The following FNDC3B variants were observed in gnomAD, a reference collection of about 807,000 sequenced individuals.
The protein encoded by FNDC3B is fibronectin type III domain containing 3B, also known as fibronectin type III domain-containing protein 3B.
FNDC3B carries 12 observed loss-of-function variants against 151.5 expected under a neutral mutation model. That is an observed-to-expected ratio of 0.08 (90% CI 0.05 to 0.13). The LOEUF (loss-of-function observed/expected upper bound fraction) is 0.13. Among genes scored for constraint, FNDC3B ranks in the 10% least tolerant of loss-of-function variants. The pLI is 1.00. For synonymous variants in FNDC3B, 528 were observed against 549.0 expected (o/e 0.96, Z 0.54); for missense variants, 1,214 against 1,505.3 (o/e 0.81, Z 3.20).
At chr3:172,052,133 G>C (rs1716685089) in intron 1 of FNDC3B, among the ~76,000 whole-genome samples, 1 of 150,824 alleles carries the variant, frequency 6.6e-6, no homozygotes, top group Non-Finnish European at 1.5e-5. Context: ...TGCCCAGGCT[G>C]GGGTGCAGTG....
At chr3:172,310,681 TG>T (rs1731428451) in intron 10 of FNDC3B, 146 bp from the exon 11 acceptor site, 1 of 698,316 alleles carries the variant, frequency 1.4e-6, no homozygotes, top group Non-Finnish European at 2.6e-6. Flanking sequence ...TGATGATGAT[TG>T]ACCAAGGAAC....
At chr3:172,184,350 C>T (rs1724067017) in intron 3 of FNDC3B, 1 of 152,036 alleles carries the variant, frequency 6.6e-6, no homozygotes, top group African/African-American at 2.4e-5. Context: ...TAAACATATA[C>T]CAGAGGAGGT....
chr3:172,167,021 G>A (rs1723035509), intron 3 of FNDC3B, among the ~76,000 whole-genome samples: 1 of 152,184 alleles, frequency 6.6e-6, no homozygotes, highest in Non-Finnish European at 1.5e-5. Flanking sequence ...CAGTAGCACT[G>A]CAAGGTTGGA....
At chr3:172,311,683 G>A (rs28757618) in intron 11 of FNDC3B, among the ~76,000 whole-genome samples, 19,520 of 147,168 alleles carry the variant, frequency 0.13, 1,603 homozygotes, top group South Asian at 0.28. Flanking sequence ...TGGCTAACAC[G>A]ATGAAACACC....
intron 22 of FNDC3B, among the ~76,000 whole-genome samples, chr3:172,358,731 G>A (rs892474191): frequency 2.0e-5 from 3 of 152,170 alleles, no homozygotes; most frequent in African/African-American, 4.8e-5. Flanking sequence ...TGATTTTACT[G>A]TGGAGTATAA....
chr3:172,057,197 G>A (rs1052904129), intron 1 of FNDC3B, among the ~76,000 whole-genome samples: 1 of 152,106 alleles, frequency 6.6e-6, no homozygotes, highest in Non-Finnish European at 1.5e-5. Context: ...TTTTAAGAGC[G>A]ATCAGGTCTT....
chr3:172,357,714 A>C (rs1734162431), intron 22 of FNDC3B, among the ~76,000 whole-genome samples: 1 of 151,998 alleles, frequency 6.6e-6, no homozygotes, highest in Admixed American at 6.6e-5. Flanking sequence ...ACATCATTTC[A>C]TTCCATTTTA....
chr3:172,050,801 A>C (rs1338511141), intron 1 of FNDC3B, among the ~76,000 whole-genome samples: 1 of 151,954 alleles, frequency 6.6e-6, no homozygotes, highest in African/African-American at 2.4e-5. Context: ...CTGTATATAT[A>C]AATGGCTTGA....
chr3:172,105,353 T>C (rs2108528703), intron 1 of FNDC3B, among the ~76,000 whole-genome samples: 1 of 152,290 alleles, frequency 6.6e-6, no homozygotes, highest in Non-Finnish European at 1.5e-5. Context: ...TTTGTCATAA[T>C]AAATTTTTAT....
chr3:172,155,152 C>T (rs1559992139), intron 3 of FNDC3B, among the ~76,000 whole-genome samples: 1 of 152,180 alleles, frequency 6.6e-6, no homozygotes, highest in Non-Finnish European at 1.5e-5. Flanking sequence ...CAAAGATGAT[C>T]CTCAAATACC....
chr3:172,165,343 G>A (rs1238574504), intron 3 of FNDC3B, among the ~76,000 whole-genome samples: 2 of 152,126 alleles, frequency 1.3e-5, no homozygotes, highest in Non-Finnish European at 2.9e-5. Flanking sequence ...TGTAAGAAAA[G>A]CCTACCCAAA....
At chr3:172,354,441 T>C (rs1733991215) in intron 22 of FNDC3B, among the ~76,000 whole-genome samples, 1 of 151,684 alleles carries the variant, frequency 6.6e-6, no homozygotes, top group African/African-American at 2.4e-5. Flanking sequence ...AACTAAGATA[T>C]TGGTATGCCC....
intron 7 of FNDC3B, 84 bp from the exon 8 acceptor site, chr3:172,295,279 G>A: frequency 1.5e-6 from 2 of 1,303,284 alleles, no homozygotes; most frequent in South Asian, 1.4e-5. Flanking sequence ...TGGATTAACT[G>A]TGAGCCAGTT....
intron 23 of FNDC3B, among the ~76,000 whole-genome samples, chr3:172,377,106 A>G (rs1285285410): frequency 1.3e-5 from 2 of 152,254 alleles, no homozygotes; most frequent in Non-Finnish European, 2.9e-5. Flanking sequence ...AAATGAATAC[A>G]TAAATTCTGC....
chr3:172,239,879 TTTTTTTTG>T (rs1727402426), intron 4 of FNDC3B, among the ~76,000 whole-genome samples: 3 of 92,784 alleles, frequency 3.2e-5, no homozygotes, highest in African/African-American at 1.8e-4. Context: ...TTTTTTTTTT[TTTTTTTTG>T]GGATGGAGTC....
At chr3:172,082,178 A>G (rs751974355) in intron 1 of FNDC3B, among the ~76,000 whole-genome samples, 2 of 152,242 alleles carry the variant, frequency 1.3e-5, no homozygotes, top group Non-Finnish European at 2.9e-5. Flanking sequence ...TCTTTTGTGT[A>G]TATGAATTAT....
chr3:172,218,594 T>C (rs1410397538), intron 3 of FNDC3B, among the ~76,000 whole-genome samples: 1 of 152,200 alleles, frequency 6.6e-6, no homozygotes. Flanking sequence ...TAAGATATTA[T>C]TCATCGAGGC....
At chr3:172,366,829 G>C (rs1734645672) in intron 23 of FNDC3B, among the ~76,000 whole-genome samples, 2 of 152,222 alleles carry the variant, frequency 1.3e-5, no homozygotes, top group Non-Finnish European at 2.9e-5. Flanking sequence ...GGAGCATTGG[G>C]ATGGAGACTA....
At chr3:172,084,141 G>C (rs1040239738) in intron 1 of FNDC3B, among the ~76,000 whole-genome samples, 1 of 152,044 alleles carries the variant, frequency 6.6e-6, no homozygotes, top group African/African-American at 2.4e-5. Flanking sequence ...GGATCAAAGG[G>C]CTTGGGACGT....
Sources: allele counts gnomAD v4.1 joint callset (sites outside exome capture counted in the v4.1 genomes callset), GRCh38; gene constraint gnomAD v4.1.1; transcripts MANE v1.5; gene names NCBI Gene and HGNC (gene_info 2026-07-23, HGNC 2026-07-21).